NTRK1: variants seen among roughly 807,000 people sequenced by gnomAD.
NTRK1 encodes high affinity nerve growth factor receptor.
In NTRK1, 62 loss-of-function variants were observed where a neutral mutation model predicts 86.8. The observed-to-expected ratio is 0.71, with a 90% CI of 0.58 to 0.88. The LOEUF (loss-of-function observed/expected upper bound fraction) is 0.88. NTRK1 is among the 40% of genes least tolerant of loss of function. NTRK1 has a pLI of 0.00. For synonymous variants in NTRK1, 469 were observed against 456.6 expected, an observed-to-expected ratio of 1.03 and a Z score of -0.35; for missense variants, 967 against 1,078.4, an observed-to-expected ratio of 0.90 and a Z score of 1.45.
At chr1:156,849,289 G>A (rs1440561323) in intron 2 of NTRK1, 4 of 1,613,852 alleles carry the variant, frequency 2.5e-6, no homozygotes, top group Non-Finnish European at 3.4e-6. Context: ...TCTCAGCCTT[G>A]TTCTGCCGAC....
At chr1:156,869,735 G>A (rs1321744890) in intron 6 of NTRK1, among the ~76,000 whole-genome samples, 2 of 152,224 alleles carry the variant, frequency 1.3e-5, no homozygotes, top group Non-Finnish European at 2.9e-5. Flanking sequence ...CATCTTCCCA[G>A]GCCTTACCCT....
chr1:156,853,409 A>G (rs1655296445), intron 2 of NTRK1, among the ~76,000 whole-genome samples: 1 of 152,172 alleles, frequency 6.6e-6, no homozygotes, highest in South Asian at 2.1e-4. Context: ...TAGAGCTGAG[A>G]CTTGAACCCA....
chr1:156,872,738 C>T (rs1647631409), intron 7 of NTRK1, among the ~76,000 whole-genome samples: 2 of 148,768 alleles, frequency 1.3e-5, no homozygotes, highest in South Asian at 2.1e-4. Flanking sequence ...TGCAGTGGCG[C>T]GCTCTCGGCT....
intron 4 of NTRK1, among the ~76,000 whole-genome samples, chr1:156,867,735 C>G (rs1456547268): frequency 2.0e-5 from 3 of 151,390 alleles, no homozygotes; most frequent in African/African-American, 7.3e-5. Flanking sequence ...GTGGCACAAT[C>G]TCATCTCGGC....
At chr1:156,842,205 C>T (rs771088422) in intron 2 of NTRK1, 49 of 1,613,946 alleles carry the variant, frequency 3.0e-5, no homozygotes, top group South Asian at 4.4e-5. Context: ...TAGGCCATGC[C>T]GTCTGCAATC....
At chr1:156,846,191 C>T in intron 2 of NTRK1, 1 of 1,442,098 alleles carries the variant, frequency 6.9e-7, no homozygotes, top group Non-Finnish European at 9.3e-7. Context: ...AATGAGCCCT[C>T]CTTTCTGGGG....
At chr1:156,864,037 C>T (rs549361749) in intron 1 of NTRK1, among the ~76,000 whole-genome samples, 7 of 152,050 alleles carry the variant, frequency 4.6e-5, no homozygotes, top group East Asian at 3.9e-4. Flanking sequence ...TCTGTGTGTG[C>T]GCATGTGCAT....
intron 2 of NTRK1, chr1:156,851,265 A>T (rs746002324): frequency 6.2e-7 from 1 of 1,613,586 alleles, no homozygotes; most frequent in South Asian, 1.1e-5. Context: ...TAATAGAAGG[A>T]GCTGGTCAGA....
chr1:156,850,963 G>A (rs1264946489), intron 2 of NTRK1, among the ~76,000 whole-genome samples: 1 of 152,196 alleles, frequency 6.6e-6, no homozygotes, highest in Non-Finnish European at 1.5e-5. Context: ...CAGCTGACAG[G>A]ACCAGATGAT....
At chr1:156,864,574 C>A in intron 2 of NTRK1, 146 bp downstream of exon 2, 1 of 1,127,180 alleles carries the variant, frequency 8.9e-7, no homozygotes, top group East Asian at 2.5e-5. Flanking sequence ...AAGCTCAGGG[C>A]TTTGAGGGGT....
rs141540032 is a variant in NTRK1, at chr1:156,881,522, C to T, written c.2271C>T (p.Tyr757=). The stretch of plus-strand genomic sequence containing the variant: ...CACGTGCCTGCCCACCAGAGGTCTA[C>T]GCCATCATGCGGGGCTGCTGGCAGC... ...ERPRACPPEV[Y]AIMRGCWQRE... is the part of the protein sequence containing the mutation. The change falls in exon 17 of 17, where the codon TAC becomes TAT. Residue 757 remains tyrosine, a synonymous_variant. Transcript: ENST00000524377. 8.1e-5 allele frequency: 129 copies of T among 1,600,874 alleles called. No individual in the cohort carries two copies. Among genetic ancestry groups the T allele is most frequent in the Non-Finnish European group, 3.5e-5 (41 of 1,174,148 alleles).
chr1:156,816,093 C>T (rs1653897442), intron 1 of NTRK1: 1 of 1,612,546 alleles, frequency 6.2e-7, no homozygotes, highest in Non-Finnish European at 8.5e-7. Context: ...CTTCGTGACT[C>T]CCTGTGAGCA....
intron 1 of NTRK1, chr1:156,840,919 G>C: frequency 6.2e-7 from 1 of 1,614,088 alleles, no homozygotes. Context: ...TCTTGGAGTG[G>C]GTGAGGAGTC....
At chr1:156,852,916 G>A (rs1039791204) in intron 2 of NTRK1, among the ~76,000 whole-genome samples, 8 of 152,120 alleles carry the variant, frequency 5.3e-5, no homozygotes, top group Non-Finnish European at 1.2e-4. Flanking sequence ...CTGCTGAGGC[G>A]CTGGGGGTGA....
At chr1:156,847,142 A>T (rs779786379) in intron 2 of NTRK1, among the ~76,000 whole-genome samples, 56 of 152,224 alleles carry the variant, frequency 3.7e-4, no homozygotes, top group Non-Finnish European at 8.1e-4. Context: ...GAGGAACAGG[A>T]GACTGCTCCC....
At chr1:156,858,048 G>A (rs1655472702), upstream of NTRK1, among the ~76,000 whole-genome samples, 2 of 152,152 alleles carry the variant, frequency 1.3e-5, no homozygotes, top group South Asian at 4.1e-4. Context: ...CCCTAAGAGG[G>A]GGGACACAGG....
At chr1:156,842,517 G>T (rs773937738) in intron 2 of NTRK1, 3 of 1,608,928 alleles carry the variant, frequency 1.9e-6, no homozygotes, top group South Asian at 1.1e-5. Flanking sequence ...ACCTGGGACA[G>T]ACAAAGGGCC....
At chr1:156,874,271 G>C (rs41422251) in intron 8 of NTRK1, 112 bp from the exon 9 acceptor site, 3 of 1,513,616 alleles carry the variant, frequency 2.0e-6, no homozygotes, top group Non-Finnish European at 2.8e-6. Flanking sequence ...ATCCCCCCTC[G>C]TCCCATGAAG....
intron 2 of NTRK1, chr1:156,842,366 C>A (rs1654831366): frequency 6.2e-7 from 1 of 1,612,986 alleles, no homozygotes. Context: ...CCCAACCCTT[C>A]TTTCACTCCC....
Sources: allele counts gnomAD v4.1 joint callset (sites outside exome capture counted in the v4.1 genomes callset), GRCh38; gene constraint gnomAD v4.1.1; transcripts MANE v1.5; gene names NCBI Gene and HGNC (gene_info 2026-07-23, HGNC 2026-07-21).